PCCA: variants seen among roughly 807,000 people sequenced by gnomAD.
PCCA encodes propionyl-CoA carboxylase alpha chain, mitochondrial.
Under a neutral mutation model 101.3 loss-of-function variants are expected in PCCA, and 74 were observed. The observed-to-expected ratio is 0.73, with a 90% CI of 0.61 to 0.89. The LOEUF is 0.89. Ranked by LOEUF, PCCA falls within the 40% of genes least tolerant of loss-of-function variation. The pLI, the probability that PCCA is intolerant of heterozygous loss-of-function variation, is 0.00. For synonymous variants in PCCA, 294 were observed against 313.6 expected, an observed-to-expected ratio of 0.94 and a Z score of 0.66; for missense variants, 891 against 907.0, an observed-to-expected ratio of 0.98 and a Z score of 0.23.
intron 12 of PCCA, among the ~76,000 whole-genome samples, chr13:100,281,587 G>T (rs1595095696): frequency 1.3e-5 from 2 of 152,024 alleles, no homozygotes; most frequent in East Asian, 3.9e-4. Flanking sequence ...ATAATACTTT[G>T]TTTAAAAAAA....
At chr13:100,352,299 C>T (rs539522634) in intron 18 of PCCA, among the ~76,000 whole-genome samples, 1 of 151,006 alleles carries the variant, frequency 6.6e-6, no homozygotes, top group South Asian at 2.1e-4. Context: ...ATAAATAGGT[C>T]AATTGTAAAA....
chr13:100,494,781 A>C (rs149205862), intron 21 of PCCA, among the ~76,000 whole-genome samples: 1 of 152,104 alleles, frequency 6.6e-6, no homozygotes, highest in East Asian at 1.9e-4. Context: ...CTGGCTTCCT[A>C]ACAGTCCTGT....
intron 20 of PCCA, among the ~76,000 whole-genome samples, chr13:100,446,163 G>C (rs2080814591): frequency 6.6e-6 from 1 of 152,086 alleles, no homozygotes; most frequent in Non-Finnish European, 1.5e-5. Context: ...TCAGGCTCCT[G>C]AGTAGCTGGG....
At chr13:100,448,883 G>A (rs1306470057) in intron 20 of PCCA, among the ~76,000 whole-genome samples, 1 of 152,202 alleles carries the variant, frequency 6.6e-6, no homozygotes, top group African/African-American at 2.4e-5. Context: ...CACCACCACA[G>A]TCAATTTTAG....
At chr13:100,328,057 A>T (rs890909879) in intron 16 of PCCA, among the ~76,000 whole-genome samples, 1 of 151,992 alleles carries the variant, frequency 6.6e-6, no homozygotes, top group Non-Finnish European at 1.5e-5. Context: ...ACGTGTCTCT[A>T]CAAAAAATAT....
intron 4 of PCCA, among the ~76,000 whole-genome samples, chr13:100,133,703 A>T (rs2050805709): frequency 6.6e-6 from 1 of 152,186 alleles, no homozygotes; most frequent in African/African-American, 2.4e-5. Context: ...GATGCAAAGT[A>T]TTGTGTGTCT....
chr13:100,337,513 T>C (rs1312561579), intron 17 of PCCA, among the ~76,000 whole-genome samples: 2 of 152,174 alleles, frequency 1.3e-5, no homozygotes, highest in Admixed American at 1.3e-4. Context: ...CTAAAATCGT[T>C]GTAAGAATAG....
intron 12 of PCCA, among the ~76,000 whole-genome samples, chr13:100,276,370 G>T (rs1349611785): frequency 6.6e-6 from 1 of 151,788 alleles, no homozygotes; most frequent in African/African-American, 2.4e-5. Context: ...TTTCCTTTTG[G>T]TAGCATTTAT....
At chr13:100,348,760 CTTTCTTTCTTTCTTTCTTT>C (rs2072714029) in intron 18 of PCCA, among the ~76,000 whole-genome samples, 11 of 78,238 alleles carry the variant, frequency 1.4e-4, no homozygotes, top group South Asian at 8.9e-4. Flanking sequence ...TTCTTTCTTT[CTTTCTTTCTTTCTTTCTTT>C]CTTTCTTTCT....
At chr13:100,217,338 G>A (rs1230586606) in intron 7 of PCCA, among the ~76,000 whole-genome samples, 1 of 151,218 alleles carries the variant, frequency 6.6e-6, no homozygotes, top group Non-Finnish European at 1.5e-5. Context: ...CCAGCCACTC[G>A]GGAGGCTGAG....
intron 7 of PCCA, among the ~76,000 whole-genome samples, chr13:100,211,428 A>C (rs1014990822): frequency 3.3e-5 from 5 of 152,154 alleles, no homozygotes; most frequent in Non-Finnish European, 5.9e-5. Flanking sequence ...CCCTTTGTTA[A>C]ATCAATATGT....
chr13:100,417,935 C>A (rs961820888), intron 19 of PCCA, among the ~76,000 whole-genome samples: 1 of 152,058 alleles, frequency 6.6e-6, no homozygotes, highest in African/African-American at 2.4e-5. Flanking sequence ...TTTTTGAAAT[C>A]ACATCATCAG....
chr13:100,290,191 C>T lies in PCCA; in HGVS notation c.1066-11269C>T, dbSNP rs1249035857. On this transcript the variant is annotated intron_variant, in intron 12 of 23. Coordinates refer to ENST00000376285, the MANE Select transcript of PCCA (RefSeq NM_000282.4). The stretch of plus-strand genomic sequence containing the variant: ...GTAGTCTTGCTGTCTGAAAGTTTGC[C>T]CAATTTTTTTTATTTCTCTCTCTCT... 2.0e-5 allele frequency among the ~76,000 whole-genome samples: 3 copies of T among 151,900 alleles called. 1 individual carries two copies. Among genetic ancestry groups the T allele is most frequent in the East Asian group, 3.9e-4 (2 of 5,182 alleles).
At chr13:100,357,075 T>G (rs901434194) in intron 18 of PCCA, among the ~76,000 whole-genome samples, 2 of 152,202 alleles carry the variant, frequency 1.3e-5, no homozygotes, top group African/African-American at 4.8e-5. Context: ...TCGTATCTAA[T>G]GTTTCCCTTA....
At chr13:100,438,945 A>G (rs1204038745) in intron 20 of PCCA, among the ~76,000 whole-genome samples, 1 of 152,208 alleles carries the variant, frequency 6.6e-6, no homozygotes, top group African/African-American at 2.4e-5. Context: ...TATCTTAAAC[A>G]ATGGAACGGT....
chr13:100,282,844 C>A (rs2064249079), intron 12 of PCCA, among the ~76,000 whole-genome samples: 1 of 152,130 alleles, frequency 6.6e-6, no homozygotes, highest in South Asian at 2.1e-4. Flanking sequence ...TCTCAGCTCA[C>A]CCCCATATCC....
At chr13:100,319,604 A>G (rs1595310042) in intron 16 of PCCA, among the ~76,000 whole-genome samples, 1 of 151,974 alleles carries the variant, frequency 6.6e-6, no homozygotes, top group Middle Eastern at 3.2e-3. Flanking sequence ...TCCTTTCCCC[A>G]TTTCTTGTTT....
intron 4 of PCCA, among the ~76,000 whole-genome samples, chr13:100,121,497 C>T (rs1369273383): frequency 1.4e-5 from 2 of 144,074 alleles, no homozygotes; most frequent in African/African-American, 2.6e-5. Context: ...TCTCTTGAGA[C>T]CGAGTCTCAT....
intron 19 of PCCA, among the ~76,000 whole-genome samples, chr13:100,376,226 G>A (rs1451400109): frequency 6.6e-5 from 10 of 152,172 alleles, no homozygotes; most frequent in African/African-American, 1.4e-4. Flanking sequence ...TGAAAGCTTC[G>A]TCCCAGAGGG....
Sources: gnomAD v4.1 joint callset for allele counts (sites outside exome capture counted in the v4.1 genomes callset) on GRCh38, gnomAD v4.1.1 for gene constraint, MANE v1.5 for transcripts, NCBI Gene and HGNC (gene_info 2026-07-23, HGNC 2026-07-21) for gene names.